Variants in SLITRK4 observed in about 807,000 individuals in gnomAD.
SLITRK4 encodes the protein SLIT and NTRK-like protein 4.
SLITRK4 carries 7 observed loss-of-function variants against 34.7 expected under a neutral mutation model. That is an observed-to-expected ratio of 0.20 (90% CI 0.11 to 0.38). The LOEUF (loss-of-function observed/expected upper bound fraction) is 0.38, where lower values mean the gene tolerates loss of function less well. Ranked by LOEUF, SLITRK4 falls within the 10% of genes least tolerant of loss-of-function variation. The pLI, the probability that SLITRK4 is intolerant of heterozygous loss-of-function variation, is 1.00. For synonymous variants in SLITRK4, 237 were observed against 246.2 expected (o/e 0.96, Z 0.35); for missense variants, 474 against 607.0 (o/e 0.78, Z 2.30).
intron 1 of SLITRK4, among the ~76,000 whole-genome samples, chrX:143,632,494 T>G (rs1463090105): frequency 8.9e-6 from 1 of 111,934 alleles, no homozygotes. Context: ...TGGGTGCAAT[T>G]TCAATATCGT....
chrX:143,630,278 T>G lies in SLITRK4; in HGVS notation c.831A>C (p.Pro277=). 1.7e-6 allele frequency: 2 copies of G among 1,211,860 alleles called. No homozygotes were observed. The highest frequency in any genetic ancestry group is 2.2e-6 in the Non-Finnish European group (2 of 895,530). Residue 277 remains proline (P), a synonymous_variant, in exon 2 of 2, where the codon CCA becomes CCC. Transcript: ENST00000356928. ...TGGTGTAGCCATTTTCCAGCTGAGA[T>G]GGAGGCAGGATGCGCACGTCAAAAT... The part of the protein sequence containing the change: ...GSDFDVRILP[P]SQLENGYTTP...
rs1352101303 is a variant in SLITRK4, at chrX:143,624,120, A to G, written c.*4475T>C. ...TTACTTTTCTTACCATAAATATATG[A>G]ACCTTAAACCCACTGTATTGGTCAA... On this transcript the variant is annotated 3_prime_UTR_variant, in exon 2 of 2. Coordinates refer to ENST00000356928, the MANE Select transcript of SLITRK4 (RefSeq NM_001184749.3). The G allele has an allele frequency of 5.4e-5, 6 of 111,530 alleles. No individual in the cohort carries two copies. The highest frequency in any genetic ancestry group is 9.5e-5 in the Non-Finnish European group (5 of 52,860). The allele number at this position is 111,530 out of a possible 1,213,427, so 9.2% of individuals were successfully genotyped here.
chrX:143,635,415 T>TC (rs1238476700), intron 1 of SLITRK4, among the ~76,000 whole-genome samples: 1 of 90,708 alleles, frequency 1.1e-5, no homozygotes, highest in African/African-American at 4.2e-5. Flanking sequence ...CTCGCCTCCA[T>TC]CCCCCCCACC....
In SLITRK4 at chrX:143,626,821, CACAT is replaced by C. The variant is rs1162422418; in HGVS notation, c.*1770_*1773del. 1 of 104,408 alleles carries C rather than the reference CACAT, an allele frequency of 9.6e-6. No individual in the cohort carries two copies. The highest frequency in any genetic ancestry group is 2.0e-5 in the Non-Finnish European group (1 of 50,785). The allele number at this position is 104,408 out of a possible 1,213,427, so 8.6% of individuals were successfully genotyped here. ...CACTATATATATATGTATACACACA[CACAT>C]ACATATATGTATATATATACACACA... On this transcript the variant is annotated 3_prime_UTR_variant, in exon 2 of 2. Coordinates refer to ENST00000356928, the MANE Select transcript of SLITRK4 (RefSeq NM_001184749.3).
intron 1 of SLITRK4, chrX:143,634,261 T>G (rs1411797037): frequency 1.8e-5 from 2 of 112,184 alleles, no homozygotes; most frequent in African/African-American, 6.5e-5. Flanking sequence ...AGCTCAACAT[T>G]TAGGCCCCTT....
chrX:143,635,481 AACACACACACACAC>A (rs782006427), intron 1 of SLITRK4, among the ~76,000 whole-genome samples: 285 of 55,243 alleles, frequency 5.2e-3, no homozygotes, highest in African/African-American at 0.017. Flanking sequence ...ATAACGAAGG[AACACACACACACAC>A]ACACACACAC....
Position 143,628,104 on chromosome X carries a change from T to TTTTG in SLITRK4, c.*490_*491insCAAA. 1 of 147,646 alleles carries TTTTG rather than the reference T, an allele frequency of 6.8e-6. No homozygotes were observed. The highest frequency in any genetic ancestry group is 1.2e-5 in the Non-Finnish European group (1 of 84,103). The allele number at this position is 147,646 out of a possible 1,213,427, so 12.2% of individuals were successfully genotyped here. A position where few individuals can be genotyped will look rare whatever the true frequency, so the allele number is the denominator to read the frequency against. On this transcript the variant is annotated 3_prime_UTR_variant, in exon 2 of 2. Coordinates refer to ENST00000356928, the MANE Select transcript of SLITRK4 (RefSeq NM_001184749.3). ...TCTCTTTGCATGCTTTTTTTTTTTT[T>TTTTG]TTTTTTTTTTTTTTTTTTTTTTTAC... is the stretch of plus-strand genomic sequence containing the variant.
In SLITRK4 at chrX:143,624,688, T is replaced by G. The variant is rs2124316387; in HGVS notation, c.*3907A>C. The G allele has an allele frequency of 9.0e-6, 1 of 111,684 alleles. No homozygotes were observed. The highest frequency in any genetic ancestry group is 2.8e-4 in the East Asian group (1 of 3,549). The allele number at this position is 111,684 out of a possible 1,213,427, so 9.2% of individuals were successfully genotyped here. On this transcript the variant is annotated 3_prime_UTR_variant, in exon 2 of 2. Coordinates refer to ENST00000356928, the MANE Select transcript of SLITRK4 (RefSeq NM_001184749.3). ...AAAATAATGGAAAGACAAATATATTTAACAAACTGTGGCTTCAGAAATATC... is the reference window on the plus strand; with the variant it reads ...AAAATAATGGAAAGACAAATATATTGAACAAACTGTGGCTTCAGAAATATC...
rs1017658874 is a variant in SLITRK4 at position 143,628,288 on chromosome X, T to A, written c.*307A>T. On this transcript the variant is annotated 3_prime_UTR_variant, in exon 2 of 2. Coordinates refer to ENST00000356928, the MANE Select transcript of SLITRK4 (RefSeq NM_001184749.3). ...TTACAAAGCACAAAGAGACGAAGGT[T>A]TTGCATTGGGGTACAAAACAGATTT... 3.3e-6 allele frequency: 1 copy of A among 306,647 alleles called. No individual in the cohort carries two copies. Among genetic ancestry groups the A allele is most frequent in the Non-Finnish European group, 5.7e-6 (1 of 176,772 alleles). 25.3% of individuals were successfully genotyped at this position (306,647 alleles called of 1,213,427 possible).
In SLITRK4 at chrX:143,628,574, T is replaced by C. The variant is rs1556425946; in HGVS notation, c.*21A>G. 8.9e-7 allele frequency: 1 copy of C among 1,122,074 alleles called. No homozygotes were observed. Among genetic ancestry groups the C allele is most frequent in the South Asian group, 2.1e-5 (1 of 47,431 alleles). The allele number at this position is 1,122,074 out of a possible 1,213,427, so 92.5% of individuals were successfully genotyped here. ...TTCATCATTAAATAAATGTCCTCTG[T>C]ATGAAGTAAGATTACATGACCTAGA... On this transcript the variant is annotated 3_prime_UTR_variant, in exon 2 of 2. Transcript: ENST00000356928.
At position 143,628,492 on chromosome X, in the gene SLITRK4, G is replaced by A; in HGVS notation, c.*103C>T. Reference sequence around the variant, plus strand: ...TAATGAGACACCCTTGGAAACACCTGCCTCCATGCCTATTGATAATATAGT... The same window carrying A: ...TAATGAGACACCCTTGGAAACACCTACCTCCATGCCTATTGATAATATAGT... On this transcript the variant is annotated 3_prime_UTR_variant, in exon 2 of 2. Coordinates refer to ENST00000356928, the MANE Select transcript of SLITRK4 (RefSeq NM_001184749.3). 1 of 610,498 alleles carries A rather than the reference G, an allele frequency of 1.6e-6. No homozygotes were observed. The highest frequency in any genetic ancestry group is 3.9e-5 in the Admixed American group (1 of 25,560). The allele number at this position is 610,498 out of a possible 1,213,427, so 50.3% of individuals were successfully genotyped here.
Position 143,629,007 on chromosome X carries a change from C to A in SLITRK4, c.2102G>T (p.Gly701Val). ...GAACCCAGTTTCTGACTCTTTCAAG[C>A]CACAAGTGTGGCTCTTGCTCATCTG... ...IEQMSKSHTC[G>V]LKESETGFMF... The change falls in exon 2 of 2, where the codon GGC (glycine) becomes GTC (valine). Residue 701 changes from glycine to valine, a missense_variant. Physicochemically the swap from Gly to Val is moderately radical, Grantham distance 109. Transcript: ENST00000356928. 8.3e-7 allele frequency: 1 copy of A among 1,211,687 alleles called. No individual in the cohort carries two copies. The highest frequency in any genetic ancestry group is 1.1e-6 in the Non-Finnish European group (1 of 895,542).
In SLITRK4 at chrX:143,630,640, G is replaced by T. The variant is rs933600298; in HGVS notation, c.469C>A (p.Leu157Met). 2.5e-6 allele frequency: 3 copies of T among 1,211,376 alleles called. No homozygotes were observed. The highest frequency in any genetic ancestry group is 3.4e-6 in the Non-Finnish European group (3 of 895,208). ...ERGAFNKLHK[L>M]KVLILNDNLI... ...TTGTCATTAAGAATGAGAACTTTCA[G>T]TTTGTGGAGCTTATTGAAGGCTCCT... The change falls in exon 2 of 2, where the codon CTG becomes ATG. Residue 157 changes from leucine (L) to methionine (M), a missense_variant. By Grantham distance (15) the Leu-to-Met change is conservative. Transcript: ENST00000356928.
Position 143,635,240 on chromosome X carries a change from C to T in SLITRK4, c.-51+495G>A, listed in dbSNP as rs781878939. 47 of 98,781 alleles carry T rather than the reference C, an allele frequency of 4.8e-4. No homozygotes were observed. The East Asian group carries it at 5.4e-3, about 11-fold the overall frequency. The allele number at this position is 98,781 out of a possible 1,213,427, so 8.1% of individuals were successfully genotyped here. On this transcript the variant is annotated intron_variant, in intron 1 of 1. Transcript: ENST00000356928. ...CACATTCCTGAGCTCCTACCCCCGTCCCCCATCCAGACATGCCCATTTGAT... is the reference window on the plus strand; with the variant it reads ...CACATTCCTGAGCTCCTACCCCCGTTCCCCATCCAGACATGCCCATTTGAT...
intron 1 of SLITRK4, chrX:143,634,891 G>C (rs1931180282): frequency 9.1e-6 from 1 of 109,815 alleles, no homozygotes; most frequent in Non-Finnish European, 1.9e-5. Context: ...CTAGAGCCCA[G>C]CGTCTGGTGC....
intron 1 of SLITRK4, among the ~76,000 whole-genome samples, chrX:143,633,922 C>G (rs961223972): frequency 1.8e-5 from 2 of 113,018 alleles, no homozygotes; most frequent in Admixed American, 9.2e-5. Flanking sequence ...GCCTGGCGGT[C>G]CGTGTAGCGG....
chrX:143,630,866 A>T lies in SLITRK4; in HGVS notation c.243T>A (p.Asn81Lys), dbSNP rs782320707. The T allele has an allele frequency of 1.6e-5, 19 of 1,205,873 alleles. No homozygotes were observed. The South Asian group carries it at 3.2e-4, about 21-fold the overall frequency. Residue 81 changes from asparagine to lysine, a missense_variant, in exon 2 of 2, where the codon AAT becomes AAA. Transcript: ENST00000356928. ...LNILYPNTFL[N>K]FSHAVSLHLG... Reference sequence around the variant, plus strand: ...GATGCAGGGAGACTGCATGTGAAAAATTCAAGAATGTATTTGGATACAGAA... The same window carrying T: ...GATGCAGGGAGACTGCATGTGAAAATTTCAAGAATGTATTTGGATACAGAA...
rs981848672 is a variant in SLITRK4, at chrX:143,628,602, T to G, written c.2507A>C (p.Lys836Thr). 3.1e-5 allele frequency: 37 copies of G among 1,179,160 alleles called. No homozygotes were observed. The highest frequency in any genetic ancestry group is 4.1e-5 in the Non-Finnish European group (36 of 881,699). ...GAAGTAAGATTACATGACCTAGATC[T>G]TGTTCAAAGCTGTTTGCTCCTCAAG... Reference protein sequence around the residue: ...QVLEEQTALNKI With the variant: ...QVLEEQTALNTI The change falls in exon 2 of 2, where the codon AAG becomes ACG. Residue 836 changes from lysine (K) to threonine (T), a missense_variant. By Grantham distance (78) the Lys-to-Thr change is moderately conservative. Coordinates refer to ENST00000356928, the MANE Select transcript of SLITRK4 (RefSeq NM_001184749.3).
chrX:143,631,292 T>C (rs1188645331), intron 1 of SLITRK4, 134 bp from the exon 2 acceptor site: 9 of 379,672 alleles, frequency 2.4e-5, no homozygotes, highest in Non-Finnish European at 3.5e-5. Flanking sequence ...CTCCAAATAG[T>C]CTCACTCAGT....
Sources: gnomAD v4.1 joint callset for allele counts (sites outside exome capture counted in the v4.1 genomes callset) on GRCh38, gnomAD v4.1.1 for gene constraint, MANE v1.5 for transcripts, NCBI Gene and HGNC (gene_info 2026-07-23, HGNC 2026-07-21) for gene names.